ARHGAP17: variants seen among roughly 807,000 people sequenced by gnomAD.
The protein encoded by ARHGAP17 is Rho GTPase activating protein 17.
ARHGAP17 carries 57 observed loss-of-function variants against 99.5 expected under a neutral mutation model. That is an observed-to-expected ratio of 0.57 (90% CI 0.46 to 0.71). The LOEUF (loss-of-function observed/expected upper bound fraction) is 0.71. ARHGAP17 is among the 30% of genes least tolerant of loss of function. The pLI, the probability that ARHGAP17 is intolerant of heterozygous loss-of-function variation, is 0.00. For synonymous variants in ARHGAP17, 417 were observed against 429.6 expected, an observed-to-expected ratio of 0.97 and a Z score of 0.36; for missense variants, 1,000 against 1,122.4, an observed-to-expected ratio of 0.89 and a Z score of 1.56.
chr16:24,984,243 C>A (rs2052787727), intron 1 of ARHGAP17, among the ~76,000 whole-genome samples: 1 of 152,182 alleles, frequency 6.6e-6, no homozygotes, highest in Non-Finnish European at 1.5e-5. Context: ...TCAATGCAGG[C>A]TGTGGTCTTC....
intron 19 of ARHGAP17, among the ~76,000 whole-genome samples, chr16:24,926,551 C>T (rs1264761353): frequency 3.3e-5 from 5 of 152,206 alleles, no homozygotes; most frequent in Admixed American, 1.3e-4. Flanking sequence ...CGTGAGCCAC[C>T]GTGCCCCAGC....
chr16:24,975,576 T>A (rs755344919), intron 3 of ARHGAP17, among the ~76,000 whole-genome samples: 11 of 152,174 alleles, frequency 7.2e-5, no homozygotes, highest in Non-Finnish European at 1.6e-4. Context: ...ACAGACATGA[T>A]TGCAGAATCC....
At chr16:24,993,623 G>T (rs1323584065) in intron 1 of ARHGAP17, among the ~76,000 whole-genome samples, 2 of 150,306 alleles carry the variant, frequency 1.3e-5, no homozygotes, top group African/African-American at 4.9e-5. Flanking sequence ...GCAAAAACAT[G>T]TACCCATACA....
At chr16:25,005,419 C>T (rs970488038) in intron 1 of ARHGAP17, among the ~76,000 whole-genome samples, 4 of 152,238 alleles carry the variant, frequency 2.6e-5, no homozygotes, top group Admixed American at 1.3e-4. Flanking sequence ...TATCTATGAA[C>T]AAGAATGCTA....
In ARHGAP17 at chr16:24,955,930, C is replaced by T; in HGVS notation, c.725-1200G>A. ...GAAGGTGGGGGACAAAAATGAGGTG[C>T]AGGCCACCAGCCACTCTCAGAATTG... On this transcript the variant is annotated intron_variant, in intron 9 of 19. Transcript: ENST00000289968. This position sits in a 1 kb window ranked among gnomAD's most constrained non-coding sequence, Gnocchi z 4.0. 1 of 152,426 alleles carries T rather than the reference C, an allele frequency of 6.6e-6. No homozygotes were observed. Among genetic ancestry groups the T allele is most frequent in the Non-Finnish European group, 1.5e-5 (1 of 68,138 alleles). 9.4% of individuals were successfully genotyped at this position (152,426 alleles called of 1,614,324 possible).
chr16:24,964,170 G>C (rs774318727), intron 7 of ARHGAP17, 27 bp downstream of exon 7: 2 of 1,469,894 alleles, frequency 1.4e-6, no homozygotes, highest in South Asian at 2.7e-5. Context: ...AAACCGAAAA[G>C]ATACATTTAT....
In ARHGAP17 at chr16:24,944,583, T is replaced by C. The variant is rs367614682; in HGVS notation, c.1242-721A>G. Among the ~76,000 whole-genome samples the C allele has an allele frequency of 3.3e-5, 5 of 152,288 alleles. No individual in the cohort carries two copies. The South Asian group carries it at 6.2e-4, about 19-fold the overall frequency. On this transcript the variant is annotated intron_variant, in intron 14 of 19. Transcript: ENST00000289968. ...TTTGCCTACGATATCACCAAGAACATGCATTGTTACAGTGTGCCTTTTATT... is the reference window on the plus strand; with the variant it reads ...TTTGCCTACGATATCACCAAGAACACGCATTGTTACAGTGTGCCTTTTATT...
chr16:24,983,340 C>T (rs1451798795), intron 1 of ARHGAP17, among the ~76,000 whole-genome samples: 1 of 151,304 alleles, frequency 6.6e-6, no homozygotes, highest in Non-Finnish European at 1.5e-5. Context: ...TTTTGCTCTA[C>T]CTCCCATGCT....
intron 19 of ARHGAP17, chr16:24,921,152 G>A (rs1355064763): frequency 6.6e-6 from 1 of 152,236 alleles, no homozygotes; most frequent in East Asian, 1.9e-4. Flanking sequence ...TACCTGCTGA[G>A]GACGCAGCAC....
chr16:24,919,922 C>A lies in ARHGAP17; in HGVS notation c.*208G>T, dbSNP rs1363307679. On this transcript the variant is annotated 3_prime_UTR_variant, in exon 20 of 20. Coordinates refer to ENST00000289968, the MANE Select transcript of ARHGAP17 (RefSeq NM_001006634.3). ...GATTTCCTTCCCATGTAAAGAAAGC[C>A]AACTTCTTCAAGACACAGGTCATTC... 5.1e-6 allele frequency: 3 copies of A among 582,604 alleles called. No homozygotes were observed. Among genetic ancestry groups the A allele is most frequent in the East Asian group, 3.5e-5 (1 of 28,292 alleles). The allele number at this position is 582,604 out of a possible 1,614,324, so 36.1% of individuals were successfully genotyped here.
intron 1 of ARHGAP17, among the ~76,000 whole-genome samples, chr16:24,991,504 G>A (rs1440651165): frequency 6.6e-6 from 1 of 152,208 alleles, no homozygotes; most frequent in African/African-American, 2.4e-5. Context: ...CAGAGTTAGA[G>A]CAGGAGTAGC....
intron 1 of ARHGAP17, among the ~76,000 whole-genome samples, chr16:24,999,023 C>T (rs2053283646): frequency 6.6e-6 from 1 of 152,186 alleles, no homozygotes; most frequent in Non-Finnish European, 1.5e-5. Flanking sequence ...GACAAGAGTG[C>T]CAGTGCCCAC....
At position 24,921,591 on chromosome 16, in the gene ARHGAP17, C is replaced by T. The variant is rs188495657; in HGVS notation, c.2516-1331G>A. 2.4e-3 allele frequency among the ~76,000 whole-genome samples: 359 copies of T among 152,264 alleles called. 1 individual carries two copies. Among genetic ancestry groups the T allele is most frequent in the African/African-American group, 8.2e-3 (342 of 41,542 alleles). ...GAAGCTCACTGCTTGGAGACTTGTT[C>T]CAGCTCCTACCCCTTCCACCTTCCT... On this transcript the variant is annotated intron_variant, in intron 19 of 19. Coordinates refer to ENST00000289968, the MANE Select transcript of ARHGAP17 (RefSeq NM_001006634.3).
chr16:24,943,925 G>T, intron 14 of ARHGAP17, 63 bp from the exon 15 acceptor site: 2 of 1,365,808 alleles, frequency 1.5e-6, no homozygotes, highest in Non-Finnish European at 2.1e-6. Flanking sequence ...TCTTCTGGTT[G>T]TGTCAGGGCA....
Position 24,920,090 on chromosome 16 carries a change from G to C in ARHGAP17, c.*40C>G, listed in dbSNP as rs1236206282. 3.1e-6 allele frequency: 5 copies of C among 1,604,474 alleles called. No homozygotes were observed. Among genetic ancestry groups the C allele is most frequent in the Non-Finnish European group, 4.3e-6 (5 of 1,173,396 alleles). On this transcript the variant is annotated 3_prime_UTR_variant, in exon 20 of 20. Transcript: ENST00000289968. Reference sequence around the variant, plus strand: ...AGGTTCGCCTGCCCCTGCTCCACTCGCCAGGGTGGAAGTGGTGGAGGGCTG... The same window carrying C: ...AGGTTCGCCTGCCCCTGCTCCACTCCCCAGGGTGGAAGTGGTGGAGGGCTG...
intron 1 of ARHGAP17, among the ~76,000 whole-genome samples, chr16:25,000,093 T>C (rs1008280613): frequency 6.6e-5 from 10 of 152,142 alleles, no homozygotes; most frequent in African/African-American, 9.7e-5. Context: ...ACAGACAGGA[T>C]CTCAAGCCCT....
At chr16:24,990,372 G>T (rs754838833) in intron 1 of ARHGAP17, among the ~76,000 whole-genome samples, 5 of 151,988 alleles carry the variant, frequency 3.3e-5, no homozygotes, top group Non-Finnish European at 7.4e-5. Flanking sequence ...TGTAGTCCCA[G>T]CTACTCAGAA....
chr16:24,942,462 G>C (rs1029571298), intron 15 of ARHGAP17, among the ~76,000 whole-genome samples: 1 of 152,084 alleles, frequency 6.6e-6, no homozygotes, highest in African/African-American at 2.4e-5. Context: ...TCACTTATTT[G>C]AATCATTCAA....
chr16:24,991,618 T>C (rs914546137), intron 1 of ARHGAP17, among the ~76,000 whole-genome samples: 1 of 152,020 alleles, frequency 6.6e-6, no homozygotes. Context: ...AGGGACAGAG[T>C]ACGTGGAGAG....
Sources: gnomAD v4.1 joint callset for allele counts (sites outside exome capture counted in the v4.1 genomes callset) on GRCh38, gnomAD v4.1.1 for gene constraint, Gnocchi (gnomAD v3.1) non-coding constraint, MANE v1.5 for transcripts, NCBI Gene and HGNC (gene_info 2026-07-23, HGNC 2026-07-21) for gene names.